Variants in TLN2 observed in about 807,000 individuals in gnomAD.
TLN2 encodes talin-2.
Under a neutral mutation model 294.7 loss-of-function variants are expected in TLN2, and 118 were observed. That is an observed-to-expected ratio of 0.40 (90% CI 0.34 to 0.47). The LOEUF is 0.47. TLN2 is among the 20% of genes least tolerant of loss of function. The probability of loss-of-function intolerance (pLI) is 0.84; values close to 1 mark genes in which losing one functional copy is unlikely to be tolerated. For missense variants in TLN2, 3,083 were observed against 3,282.2 expected (o/e 0.94, Z 1.48); for synonymous variants, 1,431 against 1,304.5 (o/e 1.10, Z -2.09).
At chr15:62,730,275 C>T (rs549779694) in intron 28 of TLN2, among the ~76,000 whole-genome samples, 5 of 152,042 alleles carry the variant, frequency 3.3e-5, no homozygotes, top group African/African-American at 9.7e-5. Context: ...CTTTTGACCT[C>T]GTAATCTGCC....
At chr15:62,762,211 G>A (rs1182414103) in intron 38 of TLN2, 61 bp from the exon 39 acceptor site, 18 of 1,582,128 alleles carry the variant, frequency 1.1e-5, no homozygotes, top group Admixed American at 5.0e-5. Context: ...ACCTTTCAGG[G>A]CCCACGTCAT....
chr15:62,569,611 T>G (rs963455080), intron 1 of TLN2, among the ~76,000 whole-genome samples: 2 of 152,228 alleles, frequency 1.3e-5, no homozygotes, highest in African/African-American at 4.8e-5. Context: ...GAGTCGGATA[T>G]CTCTCTTTGC....
Position 62,638,190 on chromosome 15 carries a change from C to T in TLN2, c.-36-9085C>T, listed in dbSNP as rs143324602. On this transcript the variant is annotated intron_variant, in intron 3 of 58. Transcript: ENST00000636159. ...TTTTTCTTACTCCCCTGCTTACTGCCCTTTCTCCACTGTGCCAGAGTTCTA... is the reference window on the plus strand; with the variant it reads ...TTTTTCTTACTCCCCTGCTTACTGCTCTTTCTCCACTGTGCCAGAGTTCTA... 836 of 178,248 alleles carry T rather than the reference C, an allele frequency of 4.7e-3. 10 individuals carry two copies. The highest frequency in any genetic ancestry group is 0.019 in the African/African-American group (802 of 41,934). The allele number at this position is 178,248 out of a possible 1,614,324, so 11.0% of individuals were successfully genotyped here. A position where few individuals can be genotyped will look rare whatever the true frequency, so the allele number is the denominator to read the frequency against.
rs1269272822 is a variant in TLN2, at chr15:62,711,985, G to A, written c.2542G>A (p.Glu848Lys). Residue 848 changes from glutamate to lysine, a missense_variant, in exon 22 of 59, where the codon GAA (glutamate) becomes AAA (lysine). Coordinates refer to ENST00000636159, the MANE Select transcript of TLN2 (RefSeq NM_015059.3). ...CGTCAATGCCATGAGGTCAGATGCAGAAGCCGAAATCGACATGGAGAATTC... is the reference window on the plus strand; with the variant it reads ...CGTCAATGCCATGAGGTCAGATGCAAAAGCCGAAATCGACATGGAGAATTC... ...DLVNAMRSDA[E>K]AEIDMENSKK... The A allele has an allele frequency of 6.2e-7, 1 of 1,614,236 alleles. No individual in the cohort carries two copies. Among genetic ancestry groups the A allele is most frequent in the Non-Finnish European group, 8.5e-7 (1 of 1,180,036 alleles).
rs749336851 is a variant in TLN2 at position 62,701,972 on chromosome 15, A to G, written c.1697-20A>G. On this transcript the variant is annotated intron_variant, in intron 17 of 58. Coordinates refer to ENST00000636159, the MANE Select transcript of TLN2 (RefSeq NM_015059.3). ...AACCATGTGCCCTCCTTTGATGGGG[A>G]TGGTTCTTTTCTGTGCCAGGTGACC... 6.8e-6 allele frequency: 11 copies of G among 1,612,650 alleles called. No homozygotes were observed. Among genetic ancestry groups the G allele is most frequent in the African/African-American group, 4.0e-5 (3 of 74,866 alleles).
intron 2 of TLN2, among the ~76,000 whole-genome samples, chr15:62,590,622 C>T (rs1477699486): frequency 1.3e-5 from 2 of 152,108 alleles, no homozygotes; most frequent in East Asian, 3.9e-4. Context: ...TGGAGCCCTC[C>T]ATGGTTGGGA....
At chr15:62,819,803 C>T (rs909231520) in intron 53 of TLN2, among the ~76,000 whole-genome samples, 182 bp downstream of exon 53, 1 of 152,198 alleles carries the variant, frequency 6.6e-6, no homozygotes, top group Non-Finnish European at 1.5e-5. Context: ...AAACATCCTC[C>T]CTGAAGCAAG....
intron 1 of TLN2, among the ~76,000 whole-genome samples, chr15:62,457,083 G>A (rs1171807153): frequency 6.6e-6 from 1 of 152,196 alleles, no homozygotes; most frequent in Non-Finnish European, 1.5e-5. Context: ...ATTAGCTCAG[G>A]TTGCTATTGG....
chr15:62,397,585 C>T (rs1160963794), intron 1 of TLN2, among the ~76,000 whole-genome samples: 1 of 152,138 alleles, frequency 6.6e-6, no homozygotes, highest in Non-Finnish European at 1.5e-5. Context: ...AAAGTACATA[C>T]TGTGTGACTC....
intron 1 of TLN2, among the ~76,000 whole-genome samples, chr15:62,517,265 G>C (rs2040234609): frequency 6.6e-6 from 1 of 152,126 alleles, no homozygotes; most frequent in South Asian, 2.1e-4. Context: ...GCTCACCCTT[G>C]TCCCTTTGTC....
At chr15:62,509,668 A>G (rs1447885890) in intron 1 of TLN2, among the ~76,000 whole-genome samples, 3 of 152,148 alleles carry the variant, frequency 2.0e-5, no homozygotes, top group African/African-American at 7.2e-5. Context: ...CGTCTCACTG[A>G]TCACACAGAA....
At chr15:62,512,891 C>T (rs1456909829) in intron 1 of TLN2, among the ~76,000 whole-genome samples, 1 of 152,178 alleles carries the variant, frequency 6.6e-6, no homozygotes, top group African/African-American at 2.4e-5. Context: ...TCCCATTCAT[C>T]TGGCTTGCAA....
chr15:62,510,312 G>T (rs573198910), intron 1 of TLN2, among the ~76,000 whole-genome samples: 1 of 152,322 alleles, frequency 6.6e-6, no homozygotes, highest in South Asian at 2.1e-4. Flanking sequence ...AGAGGGTGGG[G>T]CCCTGGGCTT....
chr15:62,562,136 T>C (rs1304090550), intron 1 of TLN2, among the ~76,000 whole-genome samples: 2 of 152,206 alleles, frequency 1.3e-5, no homozygotes, highest in African/African-American at 4.8e-5. Context: ...AAACAAATGA[T>C]ATATTTTGAT....
intron 1 of TLN2, among the ~76,000 whole-genome samples, chr15:62,567,991 GTAACCATTTGCTTAAATGTCAC>G (rs1468010797): frequency 6.6e-6 from 1 of 152,154 alleles, no homozygotes; most frequent in Admixed American, 6.5e-5. Flanking sequence ...TCTGTACCTT[GTAACCATTTGCTTAAATGTCAC>G]TTTCCCCTAC....
At chr15:62,737,590 G>T (rs2061094361) in intron 29 of TLN2, among the ~76,000 whole-genome samples, 2 of 152,210 alleles carry the variant, frequency 1.3e-5, no homozygotes, top group African/African-American at 4.8e-5. Flanking sequence ...GAGAGGGAAT[G>T]ACACTCCCCA....
chr15:62,824,474 C>G (rs1327734307), intron 54 of TLN2, among the ~76,000 whole-genome samples: 1 of 152,228 alleles, frequency 6.6e-6, no homozygotes, highest in African/African-American at 2.4e-5. Context: ...GATCAGTTTT[C>G]TATGACTTCC....
chr15:62,787,079 A>T (rs1009075010), intron 45 of TLN2, among the ~76,000 whole-genome samples: 4 of 151,336 alleles, frequency 2.6e-5, no homozygotes, highest in African/African-American at 9.7e-5. Context: ...TAATTTTTCT[A>T]TTGACAAGGT....
intron 9 of TLN2, among the ~76,000 whole-genome samples, chr15:62,669,123 T>C (rs981619751): frequency 6.6e-6 from 1 of 152,216 alleles, no homozygotes; most frequent in South Asian, 2.1e-4. Context: ...ACAGAATATC[T>C]TTAGATTTCC....
Sources: gnomAD v4.1 joint callset for allele counts (sites outside exome capture counted in the v4.1 genomes callset) on GRCh38, gnomAD v4.1.1 for gene constraint, MANE v1.5 for transcripts, NCBI Gene and HGNC (gene_info 2026-07-23, HGNC 2026-07-21) for gene names.